The following ALS2 variants were observed in gnomAD, a reference collection of about 807,000 sequenced individuals.
ALS2 encodes the protein alsin.
In ALS2, 117 loss-of-function variants were observed where a neutral mutation model predicts 203.4. That is an observed-to-expected ratio of 0.58 (90% confidence interval 0.50 to 0.67). The LOEUF is 0.67. ALS2 is among the 30% of genes least tolerant of loss of function. ALS2 has a pLI of 0.00. For synonymous variants in ALS2, 718 were observed against 725.9 expected, an observed-to-expected ratio of 0.99 and a Z score of 0.17; for missense variants, 1,715 against 1,989.4, an observed-to-expected ratio of 0.86 and a Z score of 2.62.
intron 4 of ALS2, chr2:201,760,293 A>T (rs141838471): frequency 1.0e-6 from 1 of 960,726 alleles, no homozygotes; most frequent in Non-Finnish European, 1.2e-6. Context: ...CCTGGGTGAC[A>T]GAGCAAGACC....
At chr2:201,738,163 C>T (rs10173963) in intron 12 of ALS2, among the ~76,000 whole-genome samples, 149,251 of 152,290 alleles carry the variant, frequency 0.98, 73,198 homozygotes, top group Middle Eastern at 1. Flanking sequence ...AAAACTTAAA[C>T]ACAGAATTTT....
intron 22 of ALS2, 66 bp downstream of exon 22, chr2:201,723,264 T>A: frequency 6.9e-7 from 1 of 1,451,904 alleles, no homozygotes; most frequent in Non-Finnish European, 9.7e-7. Flanking sequence ...AAAAGATGAT[T>A]TAAAAAGTTA....
Position 201,753,403 on chromosome 2 carries a change from G to C in ALS2, c.1641-161C>G, listed in dbSNP as rs1317765277. Among the ~76,000 whole-genome samples the C allele has an allele frequency of 2.0e-5, 3 of 152,158 alleles. No individual in the cohort carries two copies. In the East Asian group the frequency reaches 5.8e-4, roughly 29 times the overall value. On this transcript the variant is annotated intron_variant, in intron 6 of 33. Transcript: ENST00000264276. ...TGGTCAATCTACTCCTAAATATCAT[G>C]AATAATTTTTGGAAGGTTTTAACCT...
In ALS2 at chr2:201,768,870, T is replaced by G. The variant is rs760403217; in HGVS notation, c.16A>C (p.Arg6=). The change falls in exon 2 of 34, where the codon AGA becomes CGA. Residue 6 remains arginine, a synonymous_variant. Transcript: ENST00000264276. ...AAAAGGAAGAAATGATTTTACCTTCTCTTCTTTGAGTCCATCGGTCAGTGG... is the reference window on the plus strand; with the variant it reads ...AAAAGGAAGAAATGATTTTACCTTCGCTTCTTTGAGTCCATCGGTCAGTGG... MDSKK[R]SSTEAEGSKE... 1.5e-5 allele frequency: 25 copies of G among 1,613,602 alleles called. No individual in the cohort carries two copies. The highest frequency in any genetic ancestry group is 6.8e-6 in the Non-Finnish European group (8 of 1,179,624).
intron 1 of ALS2, among the ~76,000 whole-genome samples, chr2:201,776,416 A>G (rs1225721110): frequency 6.6e-6 from 1 of 152,184 alleles, no homozygotes; most frequent in Non-Finnish European, 1.5e-5. Flanking sequence ...AGTTCCCAGC[A>G]ATGCCCATTT....
Position 201,746,664 on chromosome 2 carries a change from C to T in ALS2, c.1900G>A (p.Gly634Arg). The part of the protein sequence containing the change: ...FLVDTEDFQP[G>R]LYYSGRQDPT... Reference sequence around the variant, plus strand: ...TCCTGTCGGCCACTGTAATATAACCCAGGCTGGAAGTCTTCTGTATCCACT... The same window carrying T: ...TCCTGTCGGCCACTGTAATATAACCTAGGCTGGAAGTCTTCTGTATCCACT... The change falls in exon 9 of 34, where the codon GGG becomes AGG. Residue 634 changes from glycine (G) to arginine (R), a missense_variant. Physicochemically the swap from Gly to Arg is moderately radical, Grantham distance 125. This residue lies in a region of ALS2 where 1,227 missense variants were observed against 1,413.5 expected (regional missense o/e 0.87). Transcript: ENST00000264276. 1.9e-6 allele frequency: 3 copies of T among 1,614,136 alleles called. No individual in the cohort carries two copies. The highest frequency in any genetic ancestry group is 2.5e-6 in the Non-Finnish European group (3 of 1,180,020).
chr2:201,728,326 A>G (rs1691325575), intron 15 of ALS2, among the ~76,000 whole-genome samples, 186 bp downstream of exon 15: 1 of 152,042 alleles, frequency 6.6e-6, no homozygotes, highest in Admixed American at 6.5e-5. Flanking sequence ...GTTCCCACCT[A>G]TGAGTGAGAA....
chr2:201,721,976 C>T (rs1400638636), intron 23 of ALS2: 1 of 152,090 alleles, frequency 6.6e-6, no homozygotes, highest in African/African-American at 2.4e-5. Context: ...TTAGACATAA[C>T]ATCAAAAGCA....
chr2:201,741,878 TGAC>T (rs746480392), intron 10 of ALS2, 24 bp from the exon 11 acceptor site: 1 of 1,577,888 alleles, frequency 6.3e-7, no homozygotes, highest in Non-Finnish European at 8.7e-7. Context: ...ATGATGATGA[TGAC>T]AACACAAACT....
Position 201,726,886 on chromosome 2 carries a change from T to C in ALS2, c.2980-20A>G, listed in dbSNP as rs747163245. The C allele has an allele frequency of 2.0e-5, 32 of 1,605,146 alleles. No individual in the cohort carries two copies. Among genetic ancestry groups the C allele is most frequent in the Non-Finnish European group, 2.5e-5 (29 of 1,173,590 alleles). ...CTTTGTCTAGGAGCAAAAAGTAACGTCAATAAGTTTAAGGCAACAATTCAT... is the reference window on the plus strand; with the variant it reads ...CTTTGTCTAGGAGCAAAAAGTAACGCCAATAAGTTTAAGGCAACAATTCAT... On this transcript the variant is annotated intron_variant, in intron 17 of 33. Transcript: ENST00000264276.
In ALS2 at chr2:201,705,634, C is replaced by T. The variant is rs1559029418; in HGVS notation, c.4581-173G>A. On this transcript the variant is annotated intron_variant, in intron 29 of 33. Transcript: ENST00000264276. ...AGTGATTTAAGAGTTTTTATCATCTCCCTAAGGGATTTGTCATTCTATATC... is the reference window on the plus strand; with the variant it reads ...AGTGATTTAAGAGTTTTTATCATCTTCCTAAGGGATTTGTCATTCTATATC... Among the ~76,000 whole-genome samples, 4 of 152,170 alleles carry T rather than the reference C, an allele frequency of 2.6e-5. No individual in the cohort carries two copies. In the South Asian group the frequency reaches 6.2e-4, roughly 24 times the overall value.
At chr2:201,750,377 C>T (rs1692957500) in intron 7 of ALS2, among the ~76,000 whole-genome samples, 1 of 152,136 alleles carries the variant, frequency 6.6e-6, no homozygotes, top group African/African-American at 2.4e-5. Flanking sequence ...CCCATGGTCA[C>T]AAATTCATAT....
chr2:201,757,651 C>T lies in ALS2; in HGVS notation c.1222G>A (p.Ala408Thr), dbSNP rs755479264. 2 of 1,614,030 alleles carry T rather than the reference C, an allele frequency of 1.2e-6. No homozygotes were observed. Among genetic ancestry groups the T allele is most frequent in the African/African-American group, 2.7e-5 (2 of 74,918 alleles). The part of the protein sequence containing the change: ...SCASAVGVRV[A>T]ATYEAGALSL... ...AAGGCACCAGCTTCATAAGTAGCAG[C>T]CACTCTCACACCAACAGCAGATGCA... The change falls in exon 5 of 34, where the codon GCT (alanine) becomes ACT (threonine). Residue 408 changes from alanine (A) to threonine (T), a missense_variant. Physicochemically the swap from Ala to Thr is moderately conservative, Grantham distance 58. This residue lies in a region of ALS2 where 476 missense variants were observed against 539.3 expected (regional missense o/e 0.88). Transcript: ENST00000264276.
intron 1 of ALS2, among the ~76,000 whole-genome samples, chr2:201,771,981 T>C (rs1210555597): frequency 6.6e-6 from 1 of 152,210 alleles, no homozygotes; most frequent in Non-Finnish European, 1.5e-5. Context: ...CACAGATAAA[T>C]GGCATCTCCG....
Position 201,718,084 on chromosome 2 carries a change from T to A in ALS2, c.3829A>T (p.Lys1277Ter). The part of the protein sequence containing the change: ...SLYESDKDRP[K>*]VFRKLGNLAV... ...TTAACACTAGTTACTCACAAAACTT[T>A]AGGTCTGTCTTTATCACTCTCATAT... The change falls in exon 24 of 34, where the codon AAA (lysine) becomes TAA (stop). Residue 1277 changes from lysine (K) to a stop codon, truncating the protein, a stop_gained. Coordinates refer to ENST00000264276, the MANE Select transcript of ALS2 (RefSeq NM_020919.4). LOFTEE classifies it high-confidence loss of function. 2 of 1,613,654 alleles carry A rather than the reference T, an allele frequency of 1.2e-6. No homozygotes were observed. Among genetic ancestry groups the A allele is most frequent in the Non-Finnish European group, 1.7e-6 (2 of 1,179,626 alleles).
chr2:201,717,630 CTTGT>C (rs1388520096), intron 24 of ALS2, among the ~76,000 whole-genome samples: 1 of 145,362 alleles, frequency 6.9e-6, no homozygotes, highest in Non-Finnish European at 1.5e-5. Flanking sequence ...GAGGTTACAT[CTTGT>C]TTAAGAAAAA....
At chr2:201,765,986 A>G (rs1227787959) in intron 3 of ALS2, among the ~76,000 whole-genome samples, 4 of 152,200 alleles carry the variant, frequency 2.6e-5, no homozygotes, top group Non-Finnish European at 4.4e-5. Context: ...TCTGTGAATA[A>G]TAATAGAAGC....
intron 28 of ALS2, among the ~76,000 whole-genome samples, chr2:201,707,650 G>A (rs904486360): frequency 6.6e-6 from 1 of 151,864 alleles, no homozygotes; most frequent in African/African-American, 2.4e-5. Flanking sequence ...GGCTGCTCTT[G>A]AACTCCTAAG....
intron 33 of ALS2, among the ~76,000 whole-genome samples, chr2:201,703,466 T>C (rs73053661): frequency 0.012 from 1,843 of 152,354 alleles, 39 homozygotes; most frequent in African/African-American, 0.042. Context: ...GACAGTCACA[T>C]ACTATTTTAT....
Sources: allele counts gnomAD v4.1 joint callset (sites outside exome capture counted in the v4.1 genomes callset), GRCh38; gene constraint gnomAD v4.1.1; regional missense constraint gnomAD v4.1.1; transcripts MANE v1.5; gene names NCBI Gene and HGNC (gene_info 2026-07-23, HGNC 2026-07-21).